GSTM2: variants seen among roughly 807,000 people sequenced by gnomAD.
The protein encoded by GSTM2 is glutathione S-transferase mu 2.
GSTM2 carries 33 observed loss-of-function variants against 33.3 expected under a neutral mutation model. The observed-to-expected ratio is 0.99, with a 90% CI of 0.75 to 1.33. The LOEUF (loss-of-function observed/expected upper bound fraction) is 1.33, where lower values mean the gene tolerates loss of function less well. Among genes scored for constraint, GSTM2 ranks in the 40% most tolerant of loss-of-function variants. GSTM2 has a pLI of 0.00. For synonymous variants in GSTM2, 93 were observed against 95.6 expected, an observed-to-expected ratio of 0.97 and a Z score of 0.16; for missense variants, 213 against 265.8, an observed-to-expected ratio of 0.80 and a Z score of 1.38.
At chr1:109,672,048 G>GT (rs1647560951) in intron 7 of GSTM2, among the ~76,000 whole-genome samples, 1 of 151,130 alleles carries the variant, frequency 6.6e-6, no homozygotes, top group African/African-American at 2.4e-5. Context: ...GGGAGGCCGA[G>GT]TTGGGTGGAT....
downstream of GSTM2, among the ~76,000 whole-genome samples, chr1:109,677,071 C>T (rs1016455834): frequency 1.3e-5 from 2 of 152,116 alleles, no homozygotes; most frequent in African/African-American, 4.8e-5. Flanking sequence ...ATCCACATGG[C>T]CACTAAGCTC....
downstream of GSTM2, among the ~76,000 whole-genome samples, chr1:109,676,238 A>G (rs1647701476): frequency 6.6e-6 from 1 of 152,216 alleles, no homozygotes; most frequent in Non-Finnish European, 1.5e-5. Flanking sequence ...ATAGAATTCT[A>G]TGATGAAAAC....
chr1:109,678,026 G>A (rs1431187634), downstream of GSTM2, among the ~76,000 whole-genome samples: 4 of 152,264 alleles, frequency 2.6e-5, no homozygotes, highest in Admixed American at 6.5e-5. Flanking sequence ...CAAATTATAC[G>A]TTCATCTTAA....
downstream of GSTM2, among the ~76,000 whole-genome samples, chr1:109,677,133 A>T (rs1228436638): frequency 1.3e-5 from 2 of 152,180 alleles, no homozygotes; most frequent in Non-Finnish European, 2.9e-5. Context: ...AACCCCTAAG[A>T]TCCTACTGTA....
chr1:109,674,641 G>A, intron 7 of GSTM2, 106 bp from the exon 8 acceptor site: 3 of 1,427,198 alleles, frequency 2.1e-6, no homozygotes, highest in Non-Finnish European at 2.9e-6. Context: ...GAGCCCACAT[G>A]GAAAGGCTGT....
downstream of GSTM2, among the ~76,000 whole-genome samples, chr1:109,677,176 G>A (rs1284606342): frequency 1.3e-5 from 2 of 152,130 alleles, no homozygotes; most frequent in Non-Finnish European, 2.9e-5. Context: ...TGAAAGGACC[G>A]ACAATTGTTG....
chr1:109,668,976 T>C lies in GSTM2; in HGVS notation c.164T>C (p.Leu55Pro). The change falls in exon 3 of 8, where the codon CTG becomes CCG. Residue 55 changes from leucine (L) to proline (P), a missense_variant. Physicochemically the swap from Leu to Pro is moderately conservative, Grantham distance 98. Coordinates refer to ENST00000241337, the MANE Select transcript of GSTM2 (RefSeq NM_000848.4). ...CTGAATGAAAAATTCAAGCTGGGCC[T>C]GGACTTTCCCAATGTAGGTGCAGGG... ...QWLNEKFKLG[L>P]DFPNLPYLID... The C allele has an allele frequency of 6.2e-7, 1 of 1,612,182 alleles. No individual in the cohort carries two copies. The highest frequency in any genetic ancestry group is 8.5e-7 in the Non-Finnish European group (1 of 1,179,810).
chr1:109,669,100 C>T, intron 3 of GSTM2, 111 bp downstream of exon 3: 3 of 1,340,796 alleles, frequency 2.2e-6, no homozygotes, highest in Non-Finnish European at 3.2e-6. Flanking sequence ...CCCAATTCCT[C>T]TCACTCTTGG....
chr1:109,677,226 T>C (rs1385445377), downstream of GSTM2, among the ~76,000 whole-genome samples: 2 of 152,156 alleles, frequency 1.3e-5, no homozygotes, highest in Non-Finnish European at 2.9e-5. Context: ...GCATTGCTGG[T>C]GGGAAAGCCA....
chr1:109,678,070 T>C (rs1197350632), downstream of GSTM2, among the ~76,000 whole-genome samples: 1 of 152,220 alleles, frequency 6.6e-6, no homozygotes, highest in Non-Finnish European at 1.5e-5. Context: ...AGATTTTTAT[T>C]CATGCCTACT....
intron 7 of GSTM2, among the ~76,000 whole-genome samples, chr1:109,674,353 A>G (rs374422256): frequency 6.6e-6 from 1 of 150,712 alleles, no homozygotes; most frequent in African/African-American, 2.5e-5. Flanking sequence ...GGCTACATTG[A>G]AGTTCTATTC....
At chr1:109,676,390 C>T (rs1056985762), downstream of GSTM2, among the ~76,000 whole-genome samples, 6 of 152,162 alleles carry the variant, frequency 3.9e-5, no homozygotes, top group South Asian at 2.1e-4. Context: ...ATTACTCTGT[C>T]GCCTAGGCTG....
chr1:109,677,887 C>A (rs1210316277), downstream of GSTM2, among the ~76,000 whole-genome samples: 1 of 152,188 alleles, frequency 6.6e-6, no homozygotes, highest in South Asian at 2.1e-4. Flanking sequence ...TGTTTGCTTT[C>A]CCTCATAAGA....
At chr1:109,681,360 C>A (rs2101266745) in intron 7 of GSTM2, among the ~76,000 whole-genome samples, 1 of 46,370 alleles carries the variant, frequency 2.2e-5, no homozygotes, top group Non-Finnish European at 3.8e-5. Context: ...AGTCTCCAGA[C>A]AGACCTACAT....
chr1:109,680,175 C>T (rs1647828430), downstream of GSTM2, among the ~76,000 whole-genome samples: 1 of 151,580 alleles, frequency 6.6e-6, no homozygotes, highest in East Asian at 1.9e-4. Flanking sequence ...TGAGCCAATT[C>T]CCATAAGAGA....
At chr1:109,678,100 G>A (rs1340242732), downstream of GSTM2, among the ~76,000 whole-genome samples, 1 of 152,060 alleles carries the variant, frequency 6.6e-6, no homozygotes, top group Non-Finnish European at 1.5e-5. Flanking sequence ...AGGTGAGACT[G>A]GTGTGCGTGT....
intron 7 of GSTM2, among the ~76,000 whole-genome samples, chr1:109,682,758 T>C (rs1449809957): frequency 7.9e-6 from 1 of 126,256 alleles, no homozygotes; most frequent in Non-Finnish European, 2.0e-5. Context: ...GTGATTTCTA[T>C]TTTCTTCTTT....
At chr1:109,679,554 A>T (rs1418668963), downstream of GSTM2, among the ~76,000 whole-genome samples, 1 of 152,202 alleles carries the variant, frequency 6.6e-6, no homozygotes, top group Non-Finnish European at 1.5e-5. Flanking sequence ...GTTTCTGCCA[A>T]TGAATCACAG....
At chr1:109,672,574 T>A (rs2101253276) in intron 7 of GSTM2, among the ~76,000 whole-genome samples, 1 of 152,290 alleles carries the variant, frequency 6.6e-6, no homozygotes, top group Non-Finnish European at 1.5e-5. Flanking sequence ...GCCTCAGGCC[T>A]TGTCCAGCCT....
Sources: gnomAD v4.1 joint callset for allele counts (sites outside exome capture counted in the v4.1 genomes callset) on GRCh38, gnomAD v4.1.1 for gene constraint, MANE v1.5 for transcripts, NCBI Gene and HGNC (gene_info 2026-07-23, HGNC 2026-07-21) for gene names.